GABRB1: variants seen among roughly 807,000 people sequenced by gnomAD.
The protein encoded by GABRB1 is gamma-aminobutyric acid type A receptor subunit beta1, also known as gamma-aminobutyric acid receptor subunit beta-1.
A neutral mutation model predicts 51.6 loss-of-function variants in GABRB1; 17 were observed. The ratio of observed to expected loss-of-function variants is 0.33; its 90% CI spans 0.23 to 0.49. The LOEUF (loss-of-function observed/expected upper bound fraction) is 0.49, where lower values mean the gene tolerates loss of function less well. Ranked by LOEUF, GABRB1 falls within the 20% of genes least tolerant of loss-of-function variation. The probability of loss-of-function intolerance (pLI) is 0.99; values close to 1 mark genes in which losing one functional copy is unlikely to be tolerated. For synonymous variants in GABRB1, 247 were observed against 218.9 expected, an observed-to-expected ratio of 1.13 and a Z score of -1.14; for missense variants, 410 against 600.6, an observed-to-expected ratio of 0.68 and a Z score of 3.32.
At chr4:47,209,304 C>A (rs190386607) in intron 4 of GABRB1, among the ~76,000 whole-genome samples, 3 of 152,012 alleles carry the variant, frequency 2.0e-5, no homozygotes, top group African/African-American at 7.2e-5. Context: ...TTTCCATTTC[C>A]CCCTTAACTG....
chr4:47,050,138 C>T (rs2109505596), intron 3 of GABRB1, among the ~76,000 whole-genome samples: 2 of 152,252 alleles, frequency 1.3e-5, no homozygotes, highest in Middle Eastern at 3.4e-3. Flanking sequence ...CATTCGGGCA[C>T]ACACAGGTCA....
chr4:47,350,491 A>G (rs1321769599), intron 5 of GABRB1, among the ~76,000 whole-genome samples: 1 of 151,868 alleles, frequency 6.6e-6, no homozygotes, highest in African/African-American at 2.4e-5. Context: ...CTATGCCTCA[A>G]TTGCTTCATC....
At chr4:47,178,805 G>A (rs1003171543) in intron 4 of GABRB1, among the ~76,000 whole-genome samples, 4 of 152,006 alleles carry the variant, frequency 2.6e-5, no homozygotes, top group African/African-American at 9.7e-5. Context: ...AAGAAAATTA[G>A]GAACGATGGT....
intron 4 of GABRB1, among the ~76,000 whole-genome samples, chr4:47,225,942 C>A (rs187469781): frequency 1.3e-5 from 2 of 152,268 alleles, no homozygotes; most frequent in Admixed American, 6.5e-5. Context: ...TTAAATCTAA[C>A]TTCAACCCCC....
intron 4 of GABRB1, among the ~76,000 whole-genome samples, chr4:47,318,972 G>A (rs548392742): frequency 3.0e-4 from 45 of 152,088 alleles, no homozygotes; most frequent in Non-Finnish European, 4.6e-4. Context: ...TGTCTTCTTA[G>A]GGAGAAAACC....
At chr4:47,257,494 G>C (rs1193447974) in intron 4 of GABRB1, among the ~76,000 whole-genome samples, 1 of 151,190 alleles carries the variant, frequency 6.6e-6, no homozygotes, top group Non-Finnish European at 1.5e-5. Flanking sequence ...GCAGGATCTT[G>C]AAATCTCACA....
At chr4:47,059,358 G>T (rs1726751471) in intron 3 of GABRB1, among the ~76,000 whole-genome samples, 1 of 152,048 alleles carries the variant, frequency 6.6e-6, no homozygotes, top group Non-Finnish European at 1.5e-5. Flanking sequence ...ATTTTTTTGA[G>T]AAGGAGTCTT....
At chr4:47,283,535 G>A (rs1723381050) in intron 4 of GABRB1, among the ~76,000 whole-genome samples, 1 of 150,720 alleles carries the variant, frequency 6.6e-6, no homozygotes, top group African/African-American at 2.4e-5. Context: ...ACAGGAGCCT[G>A]CCGCCACCAC....
intron 4 of GABRB1, among the ~76,000 whole-genome samples, chr4:47,267,248 T>C (rs1722671993): frequency 6.6e-6 from 1 of 151,950 alleles, no homozygotes; most frequent in Non-Finnish European, 1.5e-5. Context: ...GAAAGAGAGA[T>C]GAGACTTTAT....
At chr4:47,321,274 T>C (rs868677847) in intron 5 of GABRB1, among the ~76,000 whole-genome samples, 1 of 152,128 alleles carries the variant, frequency 6.6e-6, no homozygotes, top group South Asian at 2.1e-4. Context: ...AATGGAAAAA[T>C]TCCAGGTGAT....
Position 47,261,206 on chromosome 4 carries a change from T to G in GABRB1, c.462-58921T>G, listed in dbSNP as rs530061873. ...AGTTGGAAGTTCTGGCCAGGGCAAT[T>G]AGGCAGAAGGAAATAAAGGGTATTC... On this transcript the variant is annotated intron_variant, in intron 4 of 8. Transcript: ENST00000295454. Among the ~76,000 whole-genome samples, 26 of 152,158 alleles carry G rather than the reference T, an allele frequency of 1.7e-4. No homozygotes were observed. The South Asian group carries it at 5.4e-3, about 32-fold the overall frequency.
chr4:47,326,627 A>G (rs1318989960), intron 5 of GABRB1, among the ~76,000 whole-genome samples: 1 of 152,106 alleles, frequency 6.6e-6, no homozygotes, highest in Non-Finnish European at 1.5e-5. Context: ...AAAAACTACT[A>G]CAGTGCTCTT....
rs767084680 is a variant in GABRB1 at position 47,032,012 on chromosome 4, C to T, written c.172+7C>T. 1.0e-5 allele frequency: 16 copies of T among 1,599,936 alleles called. No individual in the cohort carries two copies. In the Admixed American group the frequency reaches 2.1e-4, roughly 21 times the overall value. ...TTGCGGCCGGACTTCGGAGGTAACG[C>T]TTCATCTTTTTTCAACCTGTAACCC... On this transcript the variant is annotated splice_region_variant and intron_variant, in intron 2 of 8. Transcript: ENST00000295454.
intron 4 of GABRB1, among the ~76,000 whole-genome samples, chr4:47,222,917 G>C (rs1214416448): frequency 4.0e-5 from 6 of 151,786 alleles, no homozygotes; most frequent in Non-Finnish European, 8.8e-5. Flanking sequence ...TTCTCTCTTA[G>C]GTTTTGTATT....
chr4:47,225,280 T>G (rs1375560267), intron 4 of GABRB1, among the ~76,000 whole-genome samples: 1 of 152,082 alleles, frequency 6.6e-6, no homozygotes, highest in African/African-American at 2.4e-5. Context: ...GCCGCGGAAT[T>G]ATAGACAGAA....
intron 3 of GABRB1, among the ~76,000 whole-genome samples, chr4:47,054,734 C>T (rs1726513966): frequency 6.6e-6 from 1 of 152,050 alleles, no homozygotes; most frequent in Admixed American, 6.6e-5. Context: ...AGGTGCCTGC[C>T]ACCATGCCCA....
At chr4:47,122,091 CTG>C in intron 3 of GABRB1, among the ~76,000 whole-genome samples, 1 of 152,250 alleles carries the variant, frequency 6.6e-6, no homozygotes, top group South Asian at 2.1e-4. Context: ...AGCAGAGCTT[CTG>C]GGAAAGTCCT....
chr4:47,115,449 G>A (rs1577920807), intron 3 of GABRB1, among the ~76,000 whole-genome samples: 1 of 151,870 alleles, frequency 6.6e-6, no homozygotes, highest in East Asian at 1.9e-4. Context: ...TCTAGTATAA[G>A]TAATAATATC....
At chr4:47,145,067 G>GA (rs559783734) in intron 3 of GABRB1, among the ~76,000 whole-genome samples, 140 of 149,888 alleles carry the variant, frequency 9.3e-4, no homozygotes, top group African/African-American at 2.4e-3. Context: ...TTCAAGAACA[G>GA]AAAAAAAAAT....
Sources: allele counts gnomAD v4.1 joint callset (sites outside exome capture counted in the v4.1 genomes callset), GRCh38; gene constraint gnomAD v4.1.1; transcripts MANE v1.5; gene names NCBI Gene and HGNC (gene_info 2026-07-23, HGNC 2026-07-21).